Variants in SEMA6A observed in about 807,000 individuals in gnomAD.
SEMA6A encodes the protein semaphorin 6A.
SEMA6A carries 25 observed loss-of-function variants against 96.8 expected under a neutral mutation model. The ratio of observed to expected loss-of-function variants is 0.26; its 90% confidence interval spans 0.19 to 0.36. SEMA6A has a LOEUF of 0.36. Among genes scored for constraint, SEMA6A ranks in the 10% least tolerant of loss-of-function variants. The pLI is 1.00. For synonymous variants in SEMA6A, 612 were observed against 518.0 expected (o/e 1.18, Z -2.46); for missense variants, 1,363 against 1,323.1 (o/e 1.03, Z -0.47).
At chr5:116,466,961 C>T (rs1358900557) in intron 18 of SEMA6A, among the ~76,000 whole-genome samples, 3 of 152,186 alleles carry the variant, frequency 2.0e-5, no homozygotes, top group Non-Finnish European at 4.4e-5. Context: ...GGACAGTTCA[C>T]AGTAGAGTCC....
chr5:116,499,655 G>C (rs1315201811), intron 3 of SEMA6A, among the ~76,000 whole-genome samples: 1 of 152,226 alleles, frequency 6.6e-6, no homozygotes, highest in East Asian at 1.9e-4. Flanking sequence ...GCTGCGTATG[G>C]TGTGAAAACA....
chr5:116,507,487 C>G (rs113760775), intron 1 of SEMA6A, among the ~76,000 whole-genome samples: 1 of 152,150 alleles, frequency 6.6e-6, no homozygotes, highest in African/African-American at 2.4e-5. Context: ...CAGACTTGCA[C>G]CAGCCCAGGA....
At chr5:116,557,564 T>G (rs1485300583) in intron 1 of SEMA6A, among the ~76,000 whole-genome samples, 2 of 152,234 alleles carry the variant, frequency 1.3e-5, no homozygotes, top group African/African-American at 4.8e-5. Flanking sequence ...ACATGTAGCT[T>G]TTTTGCACAT....
At chr5:116,451,269 A>G (rs1754616079) in intron 18 of SEMA6A, among the ~76,000 whole-genome samples, 1 of 152,214 alleles carries the variant, frequency 6.6e-6, no homozygotes, top group African/African-American at 2.4e-5. Flanking sequence ...AGAAGCCACA[A>G]AGGAGAAGTG....
chr5:116,557,293 T>G (rs1760643891), intron 1 of SEMA6A, among the ~76,000 whole-genome samples: 1 of 152,174 alleles, frequency 6.6e-6, no homozygotes, highest in South Asian at 2.1e-4. Flanking sequence ...AGTGGTCCAA[T>G]CTCCACCTCC....
chr5:116,475,391 GCTTT>G (rs1259841240), intron 16 of SEMA6A, among the ~76,000 whole-genome samples, 150 bp downstream of exon 16: 2 of 151,836 alleles, frequency 1.3e-5, no homozygotes, highest in Non-Finnish European at 2.9e-5. Context: ...AGAACGCACT[GCTTT>G]CTTTGTTTGG....
At chr5:116,544,111 T>A (rs1255420731) in intron 1 of SEMA6A, among the ~76,000 whole-genome samples, 3 of 152,184 alleles carry the variant, frequency 2.0e-5, no homozygotes, top group Non-Finnish European at 2.9e-5. Context: ...CCACTTCCAC[T>A]ATGGGTGGTC....
chr5:116,569,396 G>C (rs1374138019), intron 1 of SEMA6A, among the ~76,000 whole-genome samples: 1 of 152,188 alleles, frequency 6.6e-6, no homozygotes, highest in Non-Finnish European at 1.5e-5. Context: ...GGAGGTCAGA[G>C]AGGTTGGAAC....
chr5:116,452,478 G>A (rs1032845940), intron 18 of SEMA6A, among the ~76,000 whole-genome samples: 1 of 151,352 alleles, frequency 6.6e-6, no homozygotes, highest in South Asian at 2.1e-4. Flanking sequence ...AGACCTCAGA[G>A]AGGAAATTTG....
chr5:116,567,491 ATGAC>A (rs1761064541), intron 1 of SEMA6A, among the ~76,000 whole-genome samples: 1 of 152,200 alleles, frequency 6.6e-6, no homozygotes, highest in Non-Finnish European at 1.5e-5. Flanking sequence ...CTTATGTTGA[ATGAC>A]TGCTTGTTGT....
chr5:116,449,667 T>C (rs1754501006), intron 18 of SEMA6A: 1 of 270,328 alleles, frequency 3.7e-6, no homozygotes, highest in Non-Finnish European at 7.0e-6. Flanking sequence ...AGTTGGTTGC[T>C]GTGGAAATGA....
chr5:116,540,243 C>G (rs1051897399), intron 1 of SEMA6A, among the ~76,000 whole-genome samples: 1 of 152,178 alleles, frequency 6.6e-6, no homozygotes, highest in Non-Finnish European at 1.5e-5. Flanking sequence ...CATTATCATG[C>G]CTTTGATTCA....
chr5:116,467,532 CA>C, intron 18 of SEMA6A, 50 bp downstream of exon 18: 1 of 1,549,090 alleles, frequency 6.5e-7, no homozygotes, highest in South Asian at 1.2e-5. Context: ...CAGTCCTCCC[CA>C]CTTTTCCCTC....
intron 1 of SEMA6A, among the ~76,000 whole-genome samples, chr5:116,544,049 TG>T (rs1760085409): frequency 1.3e-5 from 2 of 152,248 alleles, no homozygotes; most frequent in Admixed American, 6.5e-5. Context: ...GAATTCTCTT[TG>T]GCCCCTAATG....
At chr5:116,483,200 C>T (rs996068797) in intron 10 of SEMA6A, among the ~76,000 whole-genome samples, 1 of 152,276 alleles carries the variant, frequency 6.6e-6, no homozygotes, top group African/African-American at 2.4e-5. Flanking sequence ...TGATAAATAA[C>T]AATAATGGCC....
chr5:116,573,786 G>A lies in SEMA6A; in HGVS notation c.-39+399C>T, dbSNP rs543348426. On this transcript the variant is annotated intron_variant, in intron 1 of 18. Transcript: ENST00000343348. ...CCCCTTCCCCTGCCTTCGACACACC[G>A]GGCCAGGGAGCTTCCGAGAATCCCA... Among the ~76,000 whole-genome samples the A allele has an allele frequency of 3.0e-3, 462 of 152,102 alleles. 5 individuals carry two copies. Among genetic ancestry groups the A allele is most frequent in the Middle Eastern group, 6.8e-3 (2 of 294 alleles).
chr5:116,459,545 C>CT (rs1391218461), intron 18 of SEMA6A, among the ~76,000 whole-genome samples: 2 of 152,152 alleles, frequency 1.3e-5, no homozygotes, highest in Non-Finnish European at 2.9e-5. Context: ...TCACCACACA[C>CT]TCCTTGCCTC....
chr5:116,541,298 T>G lies in SEMA6A; in HGVS notation c.-39+32887A>C, dbSNP rs141143802. On this transcript the variant is annotated intron_variant, in intron 1 of 18. Transcript: ENST00000343348. ...TTTATCTAAACCTACTGTGTCAGTT[T>G]TCAGAAACCCTAGAGGTAAGAGGGG... is the stretch of plus-strand genomic sequence containing the variant. Among the ~76,000 whole-genome samples, 546 of 152,280 alleles carry G rather than the reference T, an allele frequency of 3.6e-3. 9 individuals are homozygous for G. The highest frequency in any genetic ancestry group is 0.012 in the African/African-American group (483 of 41,552).
chr5:116,484,949 A>T (rs1294804494), intron 10 of SEMA6A, among the ~76,000 whole-genome samples: 2 of 152,222 alleles, frequency 1.3e-5, no homozygotes, highest in African/African-American at 2.4e-5. Context: ...CTTGTGTGTC[A>T]TGCCAGAGAG....
Sources: allele counts gnomAD v4.1 joint callset (sites outside exome capture counted in the v4.1 genomes callset), GRCh38; gene constraint gnomAD v4.1.1; transcripts MANE v1.5; gene names NCBI Gene and HGNC (gene_info 2026-07-23, HGNC 2026-07-21).